RAB3C: variants seen among roughly 807,000 people sequenced by gnomAD.
RAB3C encodes the protein RAB3C, member RAS oncogene family, also known as ras-related protein Rab-3C.
RAB3C carries 17 observed loss-of-function variants against 26.4 expected under a neutral mutation model. That is an observed-to-expected ratio of 0.64 (90% CI 0.44 to 0.97). The LOEUF is 0.97. Among genes scored for constraint, RAB3C ranks in the 50% least tolerant of loss-of-function variants. The pLI, the probability that RAB3C is intolerant of heterozygous loss-of-function variation, is 0.00. For missense variants in RAB3C, 242 were observed against 281.9 expected (o/e 0.86, Z 1.01); for synonymous variants, 91 against 95.9 (o/e 0.95, Z 0.30).
intron 2 of RAB3C, among the ~76,000 whole-genome samples, chr5:58,678,034 T>A (rs375523076): frequency 2.8e-5 from 4 of 140,502 alleles, no homozygotes; most frequent in African/African-American, 7.6e-5. Flanking sequence ...AAGGTACATA[T>A]GTTGGGGAAG....
intron 2 of RAB3C, among the ~76,000 whole-genome samples, chr5:58,638,486 A>T (rs939628088): frequency 6.6e-6 from 1 of 152,170 alleles, no homozygotes; most frequent in Admixed American, 6.5e-5. Flanking sequence ...TTTCTTAAAA[A>T]TAAATGTATC....
At chr5:58,688,228 TAGG>T (rs1748487490) in intron 2 of RAB3C, among the ~76,000 whole-genome samples, 1 of 152,094 alleles carries the variant, frequency 6.6e-6, no homozygotes, top group South Asian at 2.1e-4. Context: ...ATCTTCTACA[TAGG>T]AGATGCTCCT....
chr5:58,692,607 T>C (rs2111861342), intron 2 of RAB3C, among the ~76,000 whole-genome samples: 1 of 152,220 alleles, frequency 6.6e-6, no homozygotes, highest in South Asian at 2.1e-4. Flanking sequence ...TTCATTCAAA[T>C]AGAAGTAAGC....
chr5:58,583,213 G>T lies in RAB3C; in HGVS notation c.5G>T (p.Arg2Ile). M[R>I]HEAPMQMASA... is the part of the protein sequence containing the mutation. ...GAGAAAGGACATTTGCCAACAATGA[G>T]ACACGAAGCGCCCATGCAGGTGGGT... Residue 2 changes from arginine (R) to isoleucine (I), a missense_variant, in exon 1 of 5, where the codon AGA becomes ATA. Arg to Ile is a moderately conservative substitution (Grantham distance 97). Coordinates refer to ENST00000282878, the MANE Select transcript of RAB3C (RefSeq NM_138453.4). 1 of 1,614,224 alleles carries T rather than the reference G, an allele frequency of 6.2e-7. No homozygotes were observed. Among genetic ancestry groups the T allele is most frequent in the Non-Finnish European group, 8.5e-7 (1 of 1,180,042 alleles).
intron 2 of RAB3C, among the ~76,000 whole-genome samples, chr5:58,693,382 A>C (rs1008937592): frequency 6.9e-6 from 1 of 145,136 alleles, no homozygotes; most frequent in Non-Finnish European, 1.5e-5. Context: ...AAAACCTTGC[A>C]ATTCACCTGG....
At chr5:58,614,428 C>A (rs1394747090) in intron 1 of RAB3C, among the ~76,000 whole-genome samples, 1 of 151,892 alleles carries the variant, frequency 6.6e-6, no homozygotes, top group African/African-American at 2.4e-5. Flanking sequence ...AAATGCATAT[C>A]TTTTTGGCTC....
chr5:58,776,654 C>T (rs745649306), intron 3 of RAB3C, among the ~76,000 whole-genome samples: 8 of 152,108 alleles, frequency 5.3e-5, no homozygotes, highest in Non-Finnish European at 8.8e-5. Flanking sequence ...TAGTAACCCG[C>T]GCTGCTTAAA....
At chr5:58,798,008 A>T (rs2112023351) in intron 3 of RAB3C, among the ~76,000 whole-genome samples, 1 of 152,284 alleles carries the variant, frequency 6.6e-6, no homozygotes, top group South Asian at 2.1e-4. Flanking sequence ...CACAAGTCTT[A>T]TGGCAGATAC....
At chr5:58,821,531 G>A (rs907586499) in intron 3 of RAB3C, among the ~76,000 whole-genome samples, 1 of 152,186 alleles carries the variant, frequency 6.6e-6, no homozygotes, top group African/African-American at 2.4e-5. Flanking sequence ...AAGATTAAGT[G>A]AGGAAAAAGA....
chr5:58,823,063 T>G (rs1043643823), intron 3 of RAB3C: 1 of 540,580 alleles, frequency 1.8e-6, no homozygotes, highest in Non-Finnish European at 3.6e-6. Flanking sequence ...CTTGTGATTC[T>G]GAAAGCAAGG....
chr5:58,636,991 T>G (rs1747303267), intron 2 of RAB3C, among the ~76,000 whole-genome samples: 1 of 152,116 alleles, frequency 6.6e-6, no homozygotes, highest in African/African-American at 2.4e-5. Flanking sequence ...TAATAATAGG[T>G]TAGTTATTTG....
chr5:58,813,592 T>TTATATATATATATATATATATA, intron 3 of RAB3C, among the ~76,000 whole-genome samples: 1 of 47,820 alleles, frequency 2.1e-5, no homozygotes. Context: ...ATATTTATAT[T>TTATATATATATATATATATATA]TATATATATA....
At chr5:58,662,689 A>C (rs1440028985) in intron 2 of RAB3C, among the ~76,000 whole-genome samples, 1 of 150,234 alleles carries the variant, frequency 6.7e-6, no homozygotes. Flanking sequence ...CAGACACAGA[A>C]GAGAATATAC....
At chr5:58,623,935 A>G (rs1746995023) in intron 2 of RAB3C, among the ~76,000 whole-genome samples, 1 of 152,064 alleles carries the variant, frequency 6.6e-6, no homozygotes, top group Admixed American at 6.5e-5. Context: ...TTCCTCGTTT[A>G]TGTAGTGGGG....
At chr5:58,770,506 C>T (rs1742009710) in intron 3 of RAB3C, among the ~76,000 whole-genome samples, 2 of 152,126 alleles carry the variant, frequency 1.3e-5, no homozygotes, top group African/African-American at 4.8e-5. Flanking sequence ...AAGAAAATGT[C>T]TCTAATGTCT....
intron 2 of RAB3C, among the ~76,000 whole-genome samples, chr5:58,635,349 T>C (rs1368643371): frequency 6.6e-6 from 1 of 152,140 alleles, no homozygotes; most frequent in Admixed American, 6.5e-5. Flanking sequence ...ATGGGAACTT[T>C]CCAAAGGAAT....
chr5:58,745,194 G>A (rs1020638165), intron 3 of RAB3C, among the ~76,000 whole-genome samples: 6 of 151,796 alleles, frequency 4.0e-5, no homozygotes, highest in African/African-American at 7.3e-5. Flanking sequence ...TCAGGAGATC[G>A]AGACCATCCT....
Position 58,852,111 on chromosome 5 carries a change from A to C in RAB3C, c.*760A>C, listed in dbSNP as rs1347053314. The C allele has an allele frequency of 1.3e-5, 2 of 152,210 alleles. No homozygotes were observed. Among genetic ancestry groups the C allele is most frequent in the Non-Finnish European group, 2.9e-5 (2 of 68,044 alleles). 9.4% of individuals were successfully genotyped at this position (152,210 alleles called of 1,614,324 possible). ...ATCCTTCCCAATTCTGTGAATATTC[A>C]ACATCATTGAACAGATTGAGACATA... On this transcript the variant is annotated 3_prime_UTR_variant, in exon 5 of 5. Transcript: ENST00000282878.
In RAB3C at chr5:58,779,128, T is replaced by C. The variant is rs972477846; in HGVS notation, c.372-45910T>C. Among the ~76,000 whole-genome samples the C allele has an allele frequency of 7.2e-5, 11 of 152,098 alleles. No homozygotes were observed. The South Asian group carries it at 1.9e-3, about 26-fold the overall frequency. On this transcript the variant is annotated intron_variant, in intron 3 of 4. Transcript: ENST00000282878. The stretch of plus-strand genomic sequence containing the variant: ...GCAGCCCAGAGCTGAACACTCATAA[T>C]GTCAGCCTCAAAAAGGAGAGTCCAG...
Sources: gnomAD v4.1 joint callset for allele counts (sites outside exome capture counted in the v4.1 genomes callset) on GRCh38, gnomAD v4.1.1 for gene constraint, MANE v1.5 for transcripts, NCBI Gene and HGNC (gene_info 2026-07-23, HGNC 2026-07-21) for gene names.